APBA2: variants seen among roughly 807,000 people sequenced by gnomAD.
APBA2 encodes the protein amyloid beta precursor protein binding family A member 2.
APBA2 carries 30 observed loss-of-function variants against 75.0 expected under a neutral mutation model. That is an observed-to-expected ratio of 0.40 (90% confidence interval 0.30 to 0.54). The LOEUF (loss-of-function observed/expected upper bound fraction) is 0.54. Among genes scored for constraint, APBA2 ranks in the 20% least tolerant of loss-of-function variants. The pLI is 0.49. For synonymous variants in APBA2, 444 were observed against 409.6 expected, an observed-to-expected ratio of 1.08 and a Z score of -1.01; for missense variants, 801 against 1,016.1, an observed-to-expected ratio of 0.79 and a Z score of 2.88.
intron 3 of APBA2, among the ~76,000 whole-genome samples, chr15:29,000,080 C>G (rs2038763578): frequency 6.6e-6 from 1 of 152,202 alleles, no homozygotes; most frequent in Non-Finnish European, 1.5e-5. Context: ...GGAGGGCCGT[C>G]TGCTTTACTC....
At chr15:29,114,677 G>A (rs866573289) in intron 14 of APBA2, among the ~76,000 whole-genome samples, 1 of 151,848 alleles carries the variant, frequency 6.6e-6, no homozygotes, top group Non-Finnish European at 1.5e-5. Flanking sequence ...GTGGGTAAGT[G>A]TGGGTAGGTG....
At chr15:29,015,469 G>C (rs1461923455) in intron 3 of APBA2, among the ~76,000 whole-genome samples, 1 of 152,198 alleles carries the variant, frequency 6.6e-6, no homozygotes, top group African/African-American at 2.4e-5. Context: ...TGGTTTGCCT[G>C]CTGTCCCCCA....
At chr15:29,055,668 AGTGTGTGTGTGTGTGTGTGTGTGTGTGT>A (rs57671107) in intron 4 of APBA2, among the ~76,000 whole-genome samples, 8 of 127,454 alleles carry the variant, frequency 6.3e-5, no homozygotes, top group African/African-American at 2.0e-4. Flanking sequence ...CATGAATTTG[AGTGTGTGTGTGTGTGTGTGTGTGTGTGT>A]GTGTGTGTGT....
intron 7 of APBA2, 28 bp downstream of exon 7, chr15:29,093,248 G>A (rs536380594): frequency 1.2e-6 from 2 of 1,613,236 alleles, no homozygotes; most frequent in Non-Finnish European, 1.7e-6. Flanking sequence ...GCCCCTCGCG[G>A]ATGCCCGCAC....
intron 7 of APBA2, 137 bp downstream of exon 7, chr15:29,093,357 G>A (rs2043681387): frequency 7.5e-7 from 1 of 1,330,048 alleles, no homozygotes; most frequent in Non-Finnish European, 1.0e-6. Context: ...AGCGGCCCAG[G>A]TGCCAACGAG....
At chr15:28,994,481 C>T (rs376234625) in intron 2 of APBA2, among the ~76,000 whole-genome samples, 7 of 152,278 alleles carry the variant, frequency 4.6e-5, no homozygotes, top group East Asian at 1.9e-4. Flanking sequence ...AATGGAACAA[C>T]GGTGCAAACA....
chr15:28,965,879 A>G (rs969129755), intron 2 of APBA2, among the ~76,000 whole-genome samples: 1 of 152,138 alleles, frequency 6.6e-6, no homozygotes, highest in Non-Finnish European at 1.5e-5. Flanking sequence ...GCTGCATCCT[A>G]CCAACTTGGT....
At chr15:28,947,094 G>C (rs758298269) in intron 2 of APBA2, among the ~76,000 whole-genome samples, 2 of 152,178 alleles carry the variant, frequency 1.3e-5, no homozygotes, top group Non-Finnish European at 2.9e-5. Flanking sequence ...TCTTTTCCTG[G>C]AGAGCAGGAG....
At chr15:29,033,333 G>A (rs552943509) in intron 3 of APBA2, among the ~76,000 whole-genome samples, 1 of 152,240 alleles carries the variant, frequency 6.6e-6, no homozygotes, top group African/African-American at 2.4e-5. Context: ...TCCACAACAG[G>A]AATGGTCTTA....
intron 14 of APBA2, among the ~76,000 whole-genome samples, chr15:29,115,625 C>T (rs2045051088): frequency 1.3e-5 from 2 of 152,172 alleles, no homozygotes; most frequent in Admixed American, 6.5e-5. Context: ...GGTTATGGTG[C>T]CTGTTTCCAG....
At chr15:28,989,990 G>A (rs2038134968) in intron 2 of APBA2, among the ~76,000 whole-genome samples, 1 of 152,170 alleles carries the variant, frequency 6.6e-6, no homozygotes, top group African/African-American at 2.4e-5. Context: ...GAGAATCACT[G>A]GAGAGCCGTG....
rs2152665377 is a variant in APBA2, at chr15:28,918,891, G to A, written c.-204-2749G>A. Among the ~76,000 whole-genome samples the A allele has an allele frequency of 6.6e-6, 1 of 151,616 alleles. No individual in the cohort carries two copies. The highest frequency in any genetic ancestry group is 2.4e-5 in the African/African-American group (1 of 41,306). ...TTTTTTTTTTTGTAGACGGAGTCGC[G>A]CTCTGTCTCCCAGGCTGGAGTGCAG... On this transcript the variant is annotated intron_variant, in intron 1 of 14. Transcript: ENST00000683413. This position sits in a 1 kb window ranked among gnomAD's most constrained non-coding sequence, Gnocchi z 4.2.
At chr15:28,931,712 T>C (rs528209491) in intron 2 of APBA2, among the ~76,000 whole-genome samples, 34 of 152,338 alleles carry the variant, frequency 2.2e-4, no homozygotes, top group African/African-American at 6.3e-4. Flanking sequence ...TGGCAGTACC[T>C]AAGGGTTAAT....
chr15:28,899,843 A>T (rs1176701899), intron 1 of APBA2, among the ~76,000 whole-genome samples: 1 of 152,222 alleles, frequency 6.6e-6, no homozygotes, highest in Non-Finnish European at 1.5e-5. Flanking sequence ...AAATTCATTT[A>T]GGTAGTAATT....
intron 3 of APBA2, among the ~76,000 whole-genome samples, chr15:29,020,032 A>G (rs1175996083): frequency 2.6e-5 from 4 of 152,220 alleles, no homozygotes; most frequent in African/African-American, 4.8e-5. Flanking sequence ...TGTGAAGTCA[A>G]GTATATTTGC....
At chr15:28,963,330 C>T (rs746956771) in intron 2 of APBA2, among the ~76,000 whole-genome samples, 1 of 152,154 alleles carries the variant, frequency 6.6e-6, no homozygotes. Context: ...CAGCTCAGGC[C>T]CGGCAGGGGC....
chr15:28,913,730 C>T (rs149499193), intron 1 of APBA2, among the ~76,000 whole-genome samples: 5 of 152,336 alleles, frequency 3.3e-5, no homozygotes, highest in Admixed American at 2.0e-4. Flanking sequence ...GTCTTTAGAA[C>T]GTTAGCACTT....
chr15:28,905,772 G>A (rs919855713), intron 1 of APBA2, among the ~76,000 whole-genome samples: 13 of 152,152 alleles, frequency 8.5e-5, no homozygotes, highest in African/African-American at 2.2e-4. Flanking sequence ...TTCTGGCAGT[G>A]GAATTTGGGG....
chr15:29,028,054 G>A (rs1595766679), intron 3 of APBA2, among the ~76,000 whole-genome samples: 1 of 151,300 alleles, frequency 6.6e-6, no homozygotes, highest in African/African-American at 2.4e-5. Flanking sequence ...TTGTTAGGCC[G>A]GTAAACGTGT....
Sources: allele counts gnomAD v4.1 joint callset (sites outside exome capture counted in the v4.1 genomes callset), GRCh38; gene constraint gnomAD v4.1.1; non-coding constraint Gnocchi (gnomAD v3.1); transcripts MANE v1.5; gene names NCBI Gene and HGNC (gene_info 2026-07-23, HGNC 2026-07-21).